The following SHANK2 variants were observed in gnomAD, a reference collection of about 807,000 sequenced individuals.
SHANK2 encodes SH3 and multiple ankyrin repeat domains protein 2.
SHANK2 carries 43 observed loss-of-function variants against 133.7 expected under a neutral mutation model. That is an observed-to-expected ratio of 0.32 (90% CI 0.25 to 0.41). The LOEUF (loss-of-function observed/expected upper bound fraction) is 0.41. Among genes scored for constraint, SHANK2 ranks in the 10% least tolerant of loss-of-function variants. The pLI is 1.00. For synonymous variants in SHANK2, 1,017 were observed against 952.8 expected (o/e 1.07, Z -1.24); for missense variants, 1,994 against 2,235.8 (o/e 0.89, Z 2.18).
intron 17 of SHANK2, among the ~76,000 whole-genome samples, chr11:70,506,160 TGGC>T (rs1293659243): frequency 2.0e-5 from 3 of 152,156 alleles, no homozygotes; most frequent in Non-Finnish European, 4.4e-5. Context: ...CCAAGGACCT[TGGC>T]GGCCCCAGCA....
intron 12 of SHANK2, among the ~76,000 whole-genome samples, chr11:70,814,574 CCTCAGTTCCCATG>C (rs1406834196): frequency 6.6e-6 from 1 of 152,240 alleles, no homozygotes; most frequent in Admixed American, 6.5e-5. Context: ...CGCAGCTGCA[CCTCAGTTCCCATG>C]CCAGTTTCAG....
intron 15 of SHANK2, among the ~76,000 whole-genome samples, chr11:70,670,583 G>T (rs2134325494): frequency 6.6e-6 from 1 of 152,342 alleles, no homozygotes; most frequent in South Asian, 2.1e-4. Flanking sequence ...CACTCCCAAG[G>T]GGCATGGGGG....
chr11:70,685,776 A>T (rs1945134099), intron 15 of SHANK2, among the ~76,000 whole-genome samples: 1 of 152,086 alleles, frequency 6.6e-6, no homozygotes, highest in South Asian at 2.1e-4. Flanking sequence ...TGGGGACACA[A>T]GTCTCCTTCT....
At chr11:71,149,036 G>A (rs1555107337) in intron 2 of SHANK2, among the ~76,000 whole-genome samples, 1 of 152,098 alleles carries the variant, frequency 6.6e-6, no homozygotes, top group Non-Finnish European at 1.5e-5. Flanking sequence ...ACAGGACAAG[G>A]TCAAACTTGG....
intron 4 of SHANK2, among the ~76,000 whole-genome samples, chr11:71,117,111 C>A (rs1951993742): frequency 6.6e-6 from 1 of 152,196 alleles, no homozygotes; most frequent in Admixed American, 6.5e-5. Context: ...CCTCCACCTC[C>A]AGGGTTCAAG....
chr11:70,794,517 G>A (rs1401235730), intron 14 of SHANK2, among the ~76,000 whole-genome samples: 1 of 152,174 alleles, frequency 6.6e-6, no homozygotes, highest in African/African-American at 2.4e-5. Flanking sequence ...AAGACAGCCT[G>A]AGATCACTTC....
intron 9 of SHANK2, among the ~76,000 whole-genome samples, chr11:71,066,542 A>G (rs935291920): frequency 2.6e-5 from 4 of 152,274 alleles, no homozygotes; most frequent in Non-Finnish European, 5.9e-5. Context: ...AGGCACAGAC[A>G]ACGTTGCAAC....
chr11:71,219,291 A>G (rs1555120648), intron 2 of SHANK2, among the ~76,000 whole-genome samples: 1 of 152,246 alleles, frequency 6.6e-6, no homozygotes, highest in African/African-American at 2.4e-5. Flanking sequence ...ACGTGGAAAG[A>G]GATGAGCACG....
At chr11:70,897,067 G>A (rs1949946784) in intron 10 of SHANK2, among the ~76,000 whole-genome samples, 1 of 152,230 alleles carries the variant, frequency 6.6e-6, no homozygotes, top group Non-Finnish European at 1.5e-5. Context: ...ACCCATAGAT[G>A]TATGCACAGC....
At chr11:71,177,643 A>C (rs1295453294) in intron 2 of SHANK2, among the ~76,000 whole-genome samples, 2 of 152,234 alleles carry the variant, frequency 1.3e-5, no homozygotes, top group Non-Finnish European at 2.9e-5. Flanking sequence ...ATAAATAGTA[A>C]GATGACAGAT....
chr11:70,554,196 C>G (rs1180083373), intron 17 of SHANK2, among the ~76,000 whole-genome samples: 1 of 152,222 alleles, frequency 6.6e-6, no homozygotes, highest in South Asian at 2.1e-4. Flanking sequence ...TAAGAAATCA[C>G]AGGCACCTCC....
At chr11:70,848,366 C>A (rs1327214872) in intron 11 of SHANK2, among the ~76,000 whole-genome samples, 4 of 151,938 alleles carry the variant, frequency 2.6e-5, no homozygotes, top group Non-Finnish European at 5.9e-5. Flanking sequence ...CAGGGCCTGG[C>A]GGGGGTGATC....
intron 17 of SHANK2, chr11:70,632,023 A>T (rs1555002376): frequency 6.6e-6 from 1 of 152,266 alleles, no homozygotes; most frequent in Non-Finnish European, 1.5e-5. Flanking sequence ...CTTTCAGAGG[A>T]CAATGGAAAG....
At chr11:70,646,619 T>G (rs1261759013) in intron 17 of SHANK2, among the ~76,000 whole-genome samples, 1 of 152,192 alleles carries the variant, frequency 6.6e-6, no homozygotes, top group African/African-American at 2.4e-5. Context: ...CACCAACCAC[T>G]AGGCTCCAGG....
chr11:70,825,790 A>G (rs375339410), intron 11 of SHANK2, among the ~76,000 whole-genome samples: 1 of 150,514 alleles, frequency 6.6e-6, no homozygotes, highest in Non-Finnish European at 1.5e-5. Flanking sequence ...TTTTTTGTGA[A>G]AAGGGTTAAA....
At chr11:70,925,920 A>C (rs151086658) in intron 10 of SHANK2, among the ~76,000 whole-genome samples, 1 of 151,968 alleles carries the variant, frequency 6.6e-6, no homozygotes, top group African/African-American at 2.4e-5. Flanking sequence ...TCAATACATA[A>C]CCTAGTTTTA....
intron 14 of SHANK2, among the ~76,000 whole-genome samples, chr11:70,743,256 C>A (rs1192881133): frequency 6.6e-6 from 1 of 152,204 alleles, no homozygotes; most frequent in African/African-American, 2.4e-5. Flanking sequence ...GTGCCCCCCC[C>A]AGTTCATATA....
At chr11:70,546,097 A>ATTTTTTTTTTTT (rs57144719) in intron 17 of SHANK2, among the ~76,000 whole-genome samples, 1 of 137,512 alleles carries the variant, frequency 7.3e-6, no homozygotes, top group Non-Finnish European at 1.5e-5. Context: ...TATTTATTTA[A>ATTTTTTTTTTTT]TTTTTTTTTT....
chr11:70,913,673 G>A (rs556030735), intron 10 of SHANK2, among the ~76,000 whole-genome samples: 108 of 152,288 alleles, frequency 7.1e-4, no homozygotes, highest in African/African-American at 2.5e-3. Flanking sequence ...GGATCTGGGG[G>A]CTAAAAGAGA....
Sources: allele counts gnomAD v4.1 joint callset (sites outside exome capture counted in the v4.1 genomes callset), GRCh38; gene constraint gnomAD v4.1.1; transcripts MANE v1.5; gene names NCBI Gene and HGNC (gene_info 2026-07-23, HGNC 2026-07-21).